SDK1: variants seen among roughly 807,000 people sequenced by gnomAD.
SDK1 encodes the protein protein sidekick-1.
In SDK1, 157 loss-of-function variants were observed where a neutral mutation model predicts 245.5. That is an observed-to-expected ratio of 0.64 (90% CI 0.56 to 0.73). The LOEUF (loss-of-function observed/expected upper bound fraction) is 0.73. Ranked by LOEUF, SDK1 falls within the 30% of genes least tolerant of loss-of-function variation. The probability of loss-of-function intolerance (pLI) is 0.00; values close to 1 mark genes in which losing one functional copy is unlikely to be tolerated. For synonymous variants in SDK1, 1,647 were observed against 1,278.5 expected, an observed-to-expected ratio of 1.29 and a Z score of -6.15; for missense variants, 3,583 against 3,002.3, an observed-to-expected ratio of 1.19 and a Z score of -4.52.
At chr7:3,813,342 A>C (rs1487810876) in intron 4 of SDK1, among the ~76,000 whole-genome samples, 2 of 142,782 alleles carry the variant, frequency 1.4e-5, no homozygotes, top group East Asian at 2.2e-4. Context: ...TTTCCCACCT[A>C]TGAGTGAGAA....
intron 1 of SDK1, among the ~76,000 whole-genome samples, chr7:3,586,847 G>A (rs1355733943): frequency 1.3e-5 from 2 of 152,196 alleles, no homozygotes; most frequent in South Asian, 2.1e-4. Context: ...ACTGAAGACA[G>A]AAGCTGCCAC....
intron 1 of SDK1, among the ~76,000 whole-genome samples, chr7:3,575,606 C>T (rs1486989664): frequency 6.6e-6 from 1 of 151,912 alleles, no homozygotes; most frequent in Non-Finnish European, 1.5e-5. Flanking sequence ...GAAAATCGAT[C>T]TAGAGAGAAA....
intron 44 of SDK1, among the ~76,000 whole-genome samples, chr7:4,263,310 A>G (rs1038841241): frequency 6.7e-6 from 1 of 150,252 alleles, no homozygotes; most frequent in Non-Finnish European, 1.5e-5. Flanking sequence ...GGGCTCTTCT[A>G]TGTTCTGCCC....
At chr7:3,502,399 A>G (rs1562525801) in intron 1 of SDK1, among the ~76,000 whole-genome samples, 1 of 151,990 alleles carries the variant, frequency 6.6e-6, no homozygotes, top group Non-Finnish European at 1.5e-5. Context: ...ACAGGTGCCT[A>G]CCACCATGCC....
chr7:3,610,405 C>A (rs1449024544), intron 1 of SDK1, among the ~76,000 whole-genome samples: 4 of 152,130 alleles, frequency 2.6e-5, no homozygotes, highest in Admixed American at 1.3e-4. Flanking sequence ...TTTCTGATAA[C>A]CTTACTCTTA....
At chr7:3,737,709 T>G (rs755111710) in intron 4 of SDK1, among the ~76,000 whole-genome samples, 2 of 152,042 alleles carry the variant, frequency 1.3e-5, no homozygotes, top group Non-Finnish European at 2.9e-5. Context: ...CCCCAGGTGG[T>G]CTTATTTTCC....
chr7:3,508,564 A>G (rs1197533982), intron 1 of SDK1, among the ~76,000 whole-genome samples: 1 of 151,922 alleles, frequency 6.6e-6, no homozygotes, highest in South Asian at 2.1e-4. Context: ...CTGACCTCAA[A>G]TGATATACCC....
At position 3,301,958 on chromosome 7, in the gene SDK1, G is replaced by T. The variant is rs200298749; in HGVS notation, c.298+74G>T. On this transcript the variant is annotated intron_variant, in intron 1 of 44. Transcript: ENST00000404826. ...AGGCGCGAACTTGAGCAGCGAGAGT[G>T]TGTCCGGGGTCCCCCCGCTTCCCGG... 21 of 1,028,104 alleles carry T rather than the reference G, an allele frequency of 2.0e-5. No individual in the cohort carries two copies. In the East Asian group the frequency reaches 7.7e-4, roughly 37 times the overall value. The allele number at this position is 1,028,104 out of a possible 1,614,324, so 63.7% of individuals were successfully genotyped here. A position where few individuals can be genotyped will look rare whatever the true frequency, so the allele number is the denominator to read the frequency against.
intron 1 of SDK1, among the ~76,000 whole-genome samples, chr7:3,359,174 T>A (rs1780887052): frequency 6.6e-6 from 1 of 152,098 alleles, no homozygotes; most frequent in Admixed American, 6.5e-5. Context: ...AGGGAGAGAC[T>A]GCCTCTTCTG....
intron 20 of SDK1, among the ~76,000 whole-genome samples, chr7:4,075,870 C>T (rs1293328296): frequency 6.6e-6 from 1 of 152,050 alleles, no homozygotes; most frequent in South Asian, 2.1e-4. Flanking sequence ...CCAGGCTGGT[C>T]TCCAACTCCT....
At chr7:4,130,401 G>T in intron 27 of SDK1, 1 of 388,342 alleles carries the variant, frequency 2.6e-6, no homozygotes, top group Non-Finnish European at 4.6e-6. Context: ...TGTCAGCTGT[G>T]GACGCTCCTC....
At chr7:3,358,269 G>T (rs865853903) in intron 1 of SDK1, among the ~76,000 whole-genome samples, 2 of 152,082 alleles carry the variant, frequency 1.3e-5, no homozygotes, top group African/African-American at 2.4e-5. Context: ...TGATCTGCCC[G>T]TCTCAGCCTC....
At chr7:3,987,956 A>C (rs1346504423) in intron 14 of SDK1, among the ~76,000 whole-genome samples, 1 of 151,904 alleles carries the variant, frequency 6.6e-6, no homozygotes, top group East Asian at 1.9e-4. Context: ...TCTTCCTGGG[A>C]AATCGCATGC....
intron 5 of SDK1, among the ~76,000 whole-genome samples, chr7:3,866,624 G>A (rs1202026331): frequency 1.3e-5 from 2 of 152,178 alleles, no homozygotes; most frequent in African/African-American, 4.8e-5. Flanking sequence ...ATTCCACGGA[G>A]GTCGTGGACT....
At chr7:3,572,127 A>G (rs751111921) in intron 1 of SDK1, among the ~76,000 whole-genome samples, 1 of 152,104 alleles carries the variant, frequency 6.6e-6, no homozygotes, top group South Asian at 2.1e-4. Context: ...ATTCAACTCA[A>G]CAAACATCCA....
chr7:3,917,696 C>G (rs1329267682), intron 5 of SDK1, among the ~76,000 whole-genome samples: 1 of 152,200 alleles, frequency 6.6e-6, no homozygotes, highest in East Asian at 1.9e-4. Flanking sequence ...GCATAAGTCA[C>G]ACATTCTATT....
intron 17 of SDK1, among the ~76,000 whole-genome samples, chr7:4,020,798 C>T (rs1786825935): frequency 2.0e-5 from 3 of 152,204 alleles, no homozygotes; most frequent in South Asian, 2.1e-4. Context: ...CACCTGTGCC[C>T]GTTCTGAGCC....
chr7:3,956,681 G>A (rs1781289500), intron 7 of SDK1, among the ~76,000 whole-genome samples: 1 of 152,246 alleles, frequency 6.6e-6, no homozygotes, highest in Admixed American at 6.5e-5. Flanking sequence ...CCATGCCACA[G>A]TACTATGGAG....
At chr7:3,515,787 C>T (rs1020052290) in intron 1 of SDK1, among the ~76,000 whole-genome samples, 1 of 152,150 alleles carries the variant, frequency 6.6e-6, no homozygotes, top group Non-Finnish European at 1.5e-5. Context: ...ATTTAAAAAT[C>T]CCAGTGGTAC....
Sources: gnomAD v4.1 joint callset for allele counts (sites outside exome capture counted in the v4.1 genomes callset) on GRCh38, gnomAD v4.1.1 for gene constraint, MANE v1.5 for transcripts, NCBI Gene and HGNC (gene_info 2026-07-23, HGNC 2026-07-21) for gene names.